Variants in MCOLN1 observed in about 807,000 individuals in gnomAD.
The protein encoded by MCOLN1 is mucolipin TRP cation channel 1.
In MCOLN1, 50 loss-of-function variants were observed where a neutral mutation model predicts 70.3. The observed-to-expected ratio is 0.71, with a 90% CI of 0.57 to 0.90. The LOEUF is 0.90. Among genes scored for constraint, MCOLN1 ranks in the 40% least tolerant of loss-of-function variants. The pLI, the probability that MCOLN1 is intolerant of heterozygous loss-of-function variation, is 0.00. For missense variants in MCOLN1, 598 were observed against 803.5 expected (o/e 0.74, Z 3.09); for synonymous variants, 366 against 341.0 (o/e 1.07, Z -0.81).
intron 11 of MCOLN1, 33 bp downstream of exon 11, chr19:7,529,745 C>A: frequency 6.2e-7 from 1 of 1,613,506 alleles, no homozygotes; most frequent in Non-Finnish European, 8.5e-7. Flanking sequence ...CTGACATTGA[C>A]CCTGTGACCT....
At chr19:7,523,139 C>A (rs961183844) in intron 1 of MCOLN1, among the ~76,000 whole-genome samples, 1 of 152,220 alleles carries the variant, frequency 6.6e-6, no homozygotes, top group Admixed American at 6.5e-5. Context: ...CCAACCCGCA[C>A]GTGAGACTCC....
Position 7,525,112 on chromosome 19 carries a change from C to T in MCOLN1, c.183C>T (p.Arg61=), listed in dbSNP as rs754565497. The change falls in exon 2 of 14, where the codon CGC becomes CGT. Residue 61 remains arginine (R), a synonymous_variant. Coordinates refer to ENST00000264079, the MANE Select transcript of MCOLN1 (RefSeq NM_020533.3). The surrounding 1 kb of genome is among the most constrained non-coding windows in gnomAD (Gnocchi z 4.2). The part of the protein sequence containing the change: ...SPCDKFRAKG[R]KPCKLMLQVV... Reference sequence around the variant, plus strand: ...GCGACAAGTTTCGAGCCAAGGGCCGCAAGCCCTGCAAGCTGATGCTGCAAG... The same window carrying T: ...GCGACAAGTTTCGAGCCAAGGGCCGTAAGCCCTGCAAGCTGATGCTGCAAG... 3.1e-6 allele frequency: 5 copies of T among 1,614,060 alleles called. No homozygotes were observed. The Admixed American group carries it at 6.7e-5, about 22-fold the overall frequency.
chr19:7,532,218 G>A (rs541939115), intron 12 of MCOLN1, among the ~76,000 whole-genome samples: 5 of 152,190 alleles, frequency 3.3e-5, no homozygotes, highest in East Asian at 1.9e-4. Context: ...TGCATGATCC[G>A]TCCAAGGCCT....
Position 7,522,724 on chromosome 19 carries a change from G to T in MCOLN1, c.-27G>T, listed in dbSNP as rs2022511916. The T allele has an allele frequency of 6.9e-7, 1 of 1,454,236 alleles. No individual in the cohort carries two copies. The highest frequency in any genetic ancestry group is 9.0e-7 in the Non-Finnish European group (1 of 1,107,788). 90.1% of individuals were successfully genotyped at this position (1,454,236 alleles called of 1,614,324 possible). On this transcript the variant is annotated 5_prime_UTR_variant, in exon 1 of 14. Transcript: ENST00000264079. ...GGACCCAGGCTGCCCCGCCGTACCC[G>T]CCTGCGTCCCGCGCTCCCGCCCCAG...
At position 7,526,238 on chromosome 19, in the gene MCOLN1, G is replaced by T; in HGVS notation, c.238-201G>T. On this transcript the variant is annotated intron_variant, in intron 2 of 13. Coordinates refer to ENST00000264079, the MANE Select transcript of MCOLN1 (RefSeq NM_020533.3). This position sits in a 1 kb window ranked among gnomAD's most constrained non-coding sequence, Gnocchi z 4.6. ...GTGGTGGGCGTGGCATGGAGCTTATGCCAGGAGGTGGGGTGAAATTAATCA... is the reference window on the plus strand; with the variant it reads ...GTGGTGGGCGTGGCATGGAGCTTATTCCAGGAGGTGGGGTGAAATTAATCA... The T allele has an allele frequency of 1.5e-6, 1 of 661,674 alleles. No homozygotes were observed. Among genetic ancestry groups the T allele is most frequent in the Non-Finnish European group, 2.7e-6 (1 of 371,336 alleles). The allele number at this position is 661,674 out of a possible 1,614,324, so 41.0% of individuals were successfully genotyped here.
chr19:7,533,286 C>G, intron 12 of MCOLN1: 3 of 602,830 alleles, frequency 5.0e-6, no homozygotes, highest in Non-Finnish European at 8.8e-6. Context: ...GGTGCTGGAC[C>G]TACAGCAGAA....
chr19:7,527,076 A>T, intron 4 of MCOLN1, 150 bp downstream of exon 4: 3 of 1,026,756 alleles, frequency 2.9e-6, no homozygotes, highest in Middle Eastern at 2.5e-4. Context: ...GAAGTTTGAG[A>T]CCAGCCTGGG....
intron 10 of MCOLN1, 89 bp from the exon 11 acceptor site, chr19:7,529,501 G>GCCCCCCCCCCCCCCCCCCCCC: frequency 1.3e-6 from 1 of 747,250 alleles, no homozygotes; most frequent in Non-Finnish European, 2.3e-6. Flanking sequence ...CCTCGGCAAG[G>GCCCCCCCCCCCCCCCCCCCCC]CCCCGCCCCT....
Position 7,522,733 on chromosome 19 carries a change from C to T in MCOLN1, c.-18C>T, listed in dbSNP as rs901111392. ...CTGCCCCGCCGTACCCGCCTGCGTCCCGCGCTCCCGCCCCAGCATGACAGC... is the reference window on the plus strand; with the variant it reads ...CTGCCCCGCCGTACCCGCCTGCGTCTCGCGCTCCCGCCCCAGCATGACAGC... On this transcript the variant is annotated 5_prime_UTR_variant, in exon 1 of 14. Transcript: ENST00000264079. 1.7e-5 allele frequency: 25 copies of T among 1,452,712 alleles called. No individual in the cohort carries two copies. The highest frequency in any genetic ancestry group is 2.3e-5 in the Non-Finnish European group (25 of 1,107,016). 90.0% of individuals were successfully genotyped at this position (1,452,712 alleles called of 1,614,324 possible). A position where few individuals can be genotyped will look rare whatever the true frequency, so the allele number is the denominator to read the frequency against.
At chr19:7,531,381 A>G (rs892142656) in intron 12 of MCOLN1, among the ~76,000 whole-genome samples, 20 of 150,636 alleles carry the variant, frequency 1.3e-4, no homozygotes, top group Non-Finnish European at 2.2e-4. Flanking sequence ...TTGTATTTTT[A>G]CTAGAGATGG....
intron 12 of MCOLN1, 111 bp from the exon 13 acceptor site, chr19:7,533,412 A>G (rs1430610333): frequency 3.4e-6 from 5 of 1,451,026 alleles, no homozygotes; most frequent in Non-Finnish European, 4.7e-6. Flanking sequence ...GCAAGTGCAA[A>G]GGCCCGGAGG....
In MCOLN1 at chr19:7,528,503, C is replaced by A; in HGVS notation, c.878-94C>A. On this transcript the variant is annotated intron_variant, in intron 7 of 13. Transcript: ENST00000264079. The surrounding 1 kb of genome is among the most constrained non-coding windows in gnomAD (Gnocchi z 4.2). The stretch of plus-strand genomic sequence containing the variant: ...CACTGACCAACCAAAACCAGCCGTG[C>A]AGCCCCCTAGGTCTCCAGCCTGGCC... The A allele has an allele frequency of 1.3e-6, 2 of 1,529,602 alleles. No homozygotes were observed. The highest frequency in any genetic ancestry group is 8.9e-7 in the Non-Finnish European group (1 of 1,120,148). 94.8% of individuals were successfully genotyped at this position (1,529,602 alleles called of 1,614,324 possible).
rs184600684 is a variant in MCOLN1 at position 7,524,228 on chromosome 19, A to C, written c.32-733A>C. Among the ~76,000 whole-genome samples the C allele has an allele frequency of 3.5e-4, 53 of 152,224 alleles. 1 individual carries two copies. The East Asian group carries it at 8.7e-3, about 25-fold the overall frequency. ...AGGTACCTGGAGTCAACCTACTGTA[A>C]AGTGGCAGGTCTGGGATTTGATGCT... On this transcript the variant is annotated intron_variant, in intron 1 of 13. Transcript: ENST00000264079. This position sits in a 1 kb window ranked among gnomAD's most constrained non-coding sequence, Gnocchi z 4.1.
chr19:7,525,534 GA>G lies in MCOLN1; in HGVS notation c.237+369del. The G allele has an allele frequency of 3.3e-6, 1 of 303,044 alleles. No homozygotes were observed. The highest frequency in any genetic ancestry group is 6.4e-6 in the Non-Finnish European group (1 of 156,400). The allele number at this position is 303,044 out of a possible 1,614,324, so 18.8% of individuals were successfully genotyped here. On this transcript the variant is annotated intron_variant, in intron 2 of 13. Transcript: ENST00000264079. This position sits in a 1 kb window ranked among gnomAD's most constrained non-coding sequence, Gnocchi z 4.2. ...ACTCTGAGGCTCAGAGAGGTTAGGA[GA>G]CTTGCCCAAAGTCACACAGCAATAG... is the stretch of plus-strand genomic sequence containing the variant.
chr19:7,530,306 G>A lies in MCOLN1; in HGVS notation c.1380G>A (p.Val460=), dbSNP rs2146025999. ...GGCAGTTCCGCTCACTCTCCATGGT[G>A]TCTGAGTGCCTGTTCTCGCTCATCA... ...YHVKFRSLSM[V]SECLFSLING... is the part of the protein sequence containing the mutation. The change falls in exon 12 of 14, where the codon GTG becomes GTA. Residue 460 remains valine, a synonymous_variant. Coordinates refer to ENST00000264079, the MANE Select transcript of MCOLN1 (RefSeq NM_020533.3). The A allele has an allele frequency of 6.2e-7, 1 of 1,613,350 alleles. No individual in the cohort carries two copies. The highest frequency in any genetic ancestry group is 1.1e-5 in the South Asian group (1 of 91,088).
At position 7,527,641 on chromosome 19, in the gene MCOLN1, C is replaced by T. The variant is rs1186365871; in HGVS notation, c.680+13C>T. ...TCAAATTCCACAAGTACTGCCTGCT[C>T]ACTCGAGGGGGGCCCAGGGTGGGGG... On this transcript the variant is annotated intron_variant, in intron 5 of 13. Transcript: ENST00000264079. 1.3e-6 allele frequency: 2 copies of T among 1,567,164 alleles called. No homozygotes were observed. Among genetic ancestry groups the T allele is most frequent in the East Asian group, 2.2e-5 (1 of 44,672 alleles).
At chr19:7,529,504 C>A in intron 10 of MCOLN1, 86 bp from the exon 11 acceptor site, 4 of 620,690 alleles carry the variant, frequency 6.4e-6, no homozygotes, top group South Asian at 3.0e-5. Flanking sequence ...CGGCAAGGCC[C>A]CGCCCCTCCC....
At chr19:7,530,536 C>T in intron 12 of MCOLN1, 35 bp downstream of exon 12, 1 of 1,582,270 alleles carries the variant, frequency 6.3e-7, no homozygotes, top group Non-Finnish European at 8.6e-7. Context: ...AGCTCGGGCT[C>T]TGGGTGCCCT....
intron 1 of MCOLN1, among the ~76,000 whole-genome samples, chr19:7,523,446 C>T (rs535704312): frequency 2.4e-4 from 37 of 152,372 alleles, no homozygotes; most frequent in African/African-American, 8.2e-4. Context: ...GTAATCTCAG[C>T]TCTGTAAGCG....
Sources: allele counts gnomAD v4.1 joint callset (sites outside exome capture counted in the v4.1 genomes callset), GRCh38; gene constraint gnomAD v4.1.1; non-coding constraint Gnocchi (gnomAD v3.1); transcripts MANE v1.5; gene names NCBI Gene and HGNC (gene_info 2026-07-23, HGNC 2026-07-21).